Variants in MAPKAP1 observed in about 807,000 individuals in gnomAD.
MAPKAP1 encodes MAPK associated protein 1, also known as target of rapamycin complex 2 subunit MAPKAP1.
A neutral mutation model predicts 65.7 loss-of-function variants in MAPKAP1; 20 were observed. The ratio of observed to expected loss-of-function variants is 0.30; its 90% CI spans 0.21 to 0.44. The LOEUF (loss-of-function observed/expected upper bound fraction) is 0.44. Ranked by LOEUF, MAPKAP1 falls within the 20% of genes least tolerant of loss-of-function variation. The pLI is 1.00. For synonymous variants in MAPKAP1, 222 were observed against 244.3 expected (o/e 0.91, Z 0.85); for missense variants, 423 against 648.0 (o/e 0.65, Z 3.77).
intron 3 of MAPKAP1, among the ~76,000 whole-genome samples, chr9:125,661,089 AAAAG>A (rs1296014940): frequency 7.2e-5 from 11 of 152,218 alleles, no homozygotes; most frequent in Non-Finnish European, 1.6e-4. Context: ...TGTTCACAGA[AAAAG>A]AAATGTAAAC....
At chr9:125,686,842 T>A (rs556193839) in intron 1 of MAPKAP1, among the ~76,000 whole-genome samples, 2 of 152,038 alleles carry the variant, frequency 1.3e-5, no homozygotes, top group South Asian at 2.1e-4. Flanking sequence ...TTTTTTTTTT[T>A]GAGAGACACA....
At position 125,682,544 on chromosome 9, in the gene MAPKAP1, C is replaced by A. The variant is rs187005275; in HGVS notation, c.-69-9901G>T. Among the ~76,000 whole-genome samples the A allele has an allele frequency of 3.9e-3, 590 of 152,328 alleles. 3 individuals are homozygous for A. Among genetic ancestry groups the A allele is most frequent in the Non-Finnish European group, 6.7e-3 (455 of 68,028 alleles). On this transcript the variant is annotated intron_variant, in intron 1 of 11. Transcript: ENST00000265960. Reference sequence around the variant, plus strand: ...AACCTGCCAACATTTCCAGCTGTTACAAGAAATCTGCCAGTTCGGTATAAT... The same window carrying A: ...AACCTGCCAACATTTCCAGCTGTTAAAAGAAATCTGCCAGTTCGGTATAAT...
At chr9:125,635,521 T>C (rs890087958) in intron 4 of MAPKAP1, among the ~76,000 whole-genome samples, 1 of 152,172 alleles carries the variant, frequency 6.6e-6, no homozygotes, top group Non-Finnish European at 1.5e-5. Flanking sequence ...GCGCCCTACC[T>C]TTTGCCACAA....
At chr9:125,513,472 G>A (rs1829368435) in intron 7 of MAPKAP1, among the ~76,000 whole-genome samples, 1 of 152,218 alleles carries the variant, frequency 6.6e-6, no homozygotes, top group Non-Finnish European at 1.5e-5. Context: ...TGAGCAGTAA[G>A]AGGAAAGGCT....
chr9:125,443,116 G>A (rs542007953), intron 11 of MAPKAP1, among the ~76,000 whole-genome samples: 2 of 152,202 alleles, frequency 1.3e-5, no homozygotes, highest in African/African-American at 2.4e-5. Context: ...GATGGGACAC[G>A]TGGAGCCTCT....
chr9:125,647,582 G>A (rs1424893672), intron 4 of MAPKAP1, among the ~76,000 whole-genome samples: 1 of 152,176 alleles, frequency 6.6e-6, no homozygotes, highest in Non-Finnish European at 1.5e-5. Context: ...TGCTCGGTCA[G>A]GTGCACCTAA....
At chr9:125,696,570 A>C (rs1835392015) in intron 1 of MAPKAP1, among the ~76,000 whole-genome samples, 1 of 152,138 alleles carries the variant, frequency 6.6e-6, no homozygotes, top group Admixed American at 6.6e-5. Context: ...ATTTGCAAAC[A>C]TAGGCAAAAC....
chr9:125,533,460 T>G (rs1306831672), intron 7 of MAPKAP1, among the ~76,000 whole-genome samples: 1 of 152,054 alleles, frequency 6.6e-6, no homozygotes, highest in Non-Finnish European at 1.5e-5. Context: ...CTTTTTCTTT[T>G]TTTTTTTGAG....
At chr9:125,596,241 G>A (rs1017767633) in intron 4 of MAPKAP1, 16 of 763,784 alleles carry the variant, frequency 2.1e-5, no homozygotes, top group East Asian at 7.3e-5. Context: ...TTCATCCAGC[G>A]AAAGAGGTCG....
intron 4 of MAPKAP1, among the ~76,000 whole-genome samples, chr9:125,605,111 T>A (rs970443023): frequency 1.3e-5 from 2 of 152,228 alleles, no homozygotes; most frequent in African/African-American, 4.8e-5. Context: ...TAGTATAATT[T>A]AACGAGAAAA....
At chr9:125,679,406 G>A (rs1834754161) in intron 1 of MAPKAP1, among the ~76,000 whole-genome samples, 1 of 152,162 alleles carries the variant, frequency 6.6e-6, no homozygotes, top group Non-Finnish European at 1.5e-5. Context: ...AATGTGTTAT[G>A]CAGTAGAGTA....
chr9:125,690,230 A>T (rs1835126110), intron 1 of MAPKAP1, among the ~76,000 whole-genome samples: 1 of 152,154 alleles, frequency 6.6e-6, no homozygotes, highest in African/African-American at 2.4e-5. Flanking sequence ...GTTAAAAAAA[A>T]GAGAGAGAGC....
At chr9:125,591,567 T>C (rs1347374307) in intron 4 of MAPKAP1, among the ~76,000 whole-genome samples, 2 of 152,226 alleles carry the variant, frequency 1.3e-5, no homozygotes, top group Non-Finnish European at 2.9e-5. Flanking sequence ...TAGATACTTA[T>C]TAAATGAATG....
intron 10 of MAPKAP1, among the ~76,000 whole-genome samples, chr9:125,458,642 C>T (rs1446275909): frequency 3.3e-5 from 5 of 151,092 alleles, no homozygotes; most frequent in Non-Finnish European, 7.4e-5. Context: ...GGCAACCATC[C>T]GATTTCTCAA....
Position 125,439,696 on chromosome 9 carries a change from C to T in MAPKAP1, c.1444-684G>A, listed in dbSNP as rs991495895. ...GGCCTTCTGCACGCTGCTGCTTCCA[C>T]GAAGCCCTGGGAGTCTGCCCGGAGT... On this transcript the variant is annotated intron_variant, in intron 11 of 11. Coordinates refer to ENST00000265960, the MANE Select transcript of MAPKAP1 (RefSeq NM_001006617.3). The surrounding 1 kb of genome is among the most constrained non-coding windows in gnomAD (Gnocchi z 4.0). Among the ~76,000 whole-genome samples, 6 of 152,366 alleles carry T rather than the reference C, an allele frequency of 3.9e-5. No homozygotes were observed. The highest frequency in any genetic ancestry group is 2.1e-4 in the South Asian group (1 of 4,832).
chr9:125,608,903 T>C (rs981458995), intron 4 of MAPKAP1, among the ~76,000 whole-genome samples: 1 of 152,156 alleles, frequency 6.6e-6, no homozygotes, highest in African/African-American at 2.4e-5. Context: ...ACTTCTCCTG[T>C]CTTTGGGCAT....
intron 7 of MAPKAP1, among the ~76,000 whole-genome samples, chr9:125,529,786 C>G (rs1829882954): frequency 6.6e-6 from 1 of 152,216 alleles, no homozygotes. Context: ...CTGATACGTC[C>G]TCTCCCCAGA....
intron 7 of MAPKAP1, among the ~76,000 whole-genome samples, chr9:125,518,737 T>C (rs1047853661): frequency 2.0e-5 from 3 of 152,152 alleles, no homozygotes; most frequent in African/African-American, 7.2e-5. Flanking sequence ...ATTTATAAGA[T>C]ATAGAATGTA....
At position 125,591,979 on chromosome 9, in the gene MAPKAP1, T is replaced by C. The variant is rs1050137876; in HGVS notation, c.499-6252A>G. 3.3e-5 allele frequency among the ~76,000 whole-genome samples: 5 copies of C among 152,120 alleles called. No individual in the cohort carries two copies. The East Asian group carries it at 5.8e-4, about 18-fold the overall frequency. On this transcript the variant is annotated intron_variant, in intron 4 of 11. Coordinates refer to ENST00000265960, the MANE Select transcript of MAPKAP1 (RefSeq NM_001006617.3). ...ATACAGGACTGGGGAAATGGAGGCA[T>C]ATTTAGAGCACAGGGAAGCGGGCAA...
Sources: gnomAD v4.1 joint callset for allele counts (sites outside exome capture counted in the v4.1 genomes callset) on GRCh38, gnomAD v4.1.1 for gene constraint, Gnocchi (gnomAD v3.1) non-coding constraint, MANE v1.5 for transcripts, NCBI Gene and HGNC (gene_info 2026-07-23, HGNC 2026-07-21) for gene names.